The following SEMA6A variants were observed in gnomAD, a reference collection of about 807,000 sequenced individuals.
The protein encoded by SEMA6A is semaphorin-6A.
Under a neutral mutation model 96.8 loss-of-function variants are expected in SEMA6A, and 25 were observed. The ratio of observed to expected loss-of-function variants is 0.26; its 90% confidence interval spans 0.19 to 0.36. The LOEUF (loss-of-function observed/expected upper bound fraction) is 0.36, where lower values mean the gene tolerates loss of function less well. Among genes scored for constraint, SEMA6A ranks in the 10% least tolerant of loss-of-function variants. SEMA6A has a pLI of 1.00. For synonymous variants in SEMA6A, 612 were observed against 518.0 expected (o/e 1.18, Z -2.46); for missense variants, 1,363 against 1,323.1 (o/e 1.03, Z -0.47).
chr5:116,472,696 C>G (rs1756224621), intron 17 of SEMA6A: 2 of 501,014 alleles, frequency 4.0e-6, no homozygotes, highest in Admixed American at 7.7e-5. Context: ...ACTCAGTCTC[C>G]CACATCAATT....
chr5:116,472,582 C>T lies in SEMA6A; in HGVS notation c.1729+491G>A, dbSNP rs573762096. On this transcript the variant is annotated intron_variant, in intron 17 of 18. Coordinates refer to ENST00000343348, the MANE Select transcript of SEMA6A (RefSeq NM_020796.5). ...GCATTATTCCTTTGTCTTGGATATA[C>T]TTATGTTCAAAAGCAATTTCTTCTC... The T allele has an allele frequency of 1.3e-5, 4 of 302,960 alleles. No individual in the cohort carries two copies. The South Asian group carries it at 2.3e-4, about 17-fold the overall frequency. The allele number at this position is 302,960 out of a possible 1,614,324, so 18.8% of individuals were successfully genotyped here.
At chr5:116,485,094 G>GGTAT (rs1411054664) in intron 10 of SEMA6A, among the ~76,000 whole-genome samples, 1 of 152,098 alleles carries the variant, frequency 6.6e-6, no homozygotes, top group African/African-American at 2.4e-5. Flanking sequence ...GATGACAATG[G>GGTAT]GTATGTATAT....
In SEMA6A at chr5:116,453,953, A is replaced by AC. The variant is rs1754816701; in HGVS notation, c.1895-6143dup. ...TAAATACAAAGGAAGAGCTCTACTC[A>AC]CCCCCACCCCAATTACCACCCTAAG... On this transcript the variant is annotated intron_variant, in intron 18 of 18. Coordinates refer to ENST00000343348, the MANE Select transcript of SEMA6A (RefSeq NM_020796.5). Among the ~76,000 whole-genome samples, 4 of 152,104 alleles carry AC rather than the reference A, an allele frequency of 2.6e-5. No homozygotes were observed. In the South Asian group the frequency reaches 8.3e-4, roughly 32 times the overall value.
intron 1 of SEMA6A, among the ~76,000 whole-genome samples, chr5:116,564,621 T>C (rs1760953685): frequency 6.6e-6 from 1 of 152,106 alleles, no homozygotes; most frequent in African/African-American, 2.4e-5. Context: ...CTTACAGCAA[T>C]TTACTCCCCA....
At chr5:116,496,025 C>T (rs1030482142) in intron 5 of SEMA6A, 8 of 470,226 alleles carry the variant, frequency 1.7e-5, no homozygotes, top group Admixed American at 3.6e-5. Context: ...ATCCTGTGTG[C>T]GCCTAAGTAG....
intron 1 of SEMA6A, among the ~76,000 whole-genome samples, chr5:116,538,189 CAAAA>C (rs1759807329): frequency 7.3e-6 from 1 of 137,278 alleles, no homozygotes; most frequent in Admixed American, 7.4e-5. Context: ...CAAAGCAAAA[CAAAA>C]CAAAACAAAA....
rs559481141 is a variant in SEMA6A, at chr5:116,539,128, G to T, written c.-38-34146C>A. ...ACCACAACCCAATGTCCCCAAAATG[G>T]CAGTGCTAGAGTTCAAGCCTAGACA... is the stretch of plus-strand genomic sequence containing the variant. On this transcript the variant is annotated intron_variant, in intron 1 of 18. Transcript: ENST00000343348. 5.2e-4 allele frequency among the ~76,000 whole-genome samples: 79 copies of T among 152,128 alleles called. 2 individuals are homozygous for T. The South Asian group carries it at 0.014, about 26-fold the overall frequency.
intron 1 of SEMA6A, among the ~76,000 whole-genome samples, chr5:116,518,277 C>A (rs954925447): frequency 3.8e-4 from 58 of 152,084 alleles, no homozygotes; most frequent in African/African-American, 1.3e-3. Context: ...GGGCGTCAGA[C>A]AACAACGTAA....
Position 116,488,162 on chromosome 5 carries a change from A to T in SEMA6A, c.690T>A (p.Asp230Glu), listed in dbSNP as rs755457736. 2 of 1,612,164 alleles carry T rather than the reference A, an allele frequency of 1.2e-6. No individual in the cohort carries two copies. Among genetic ancestry groups the T allele is most frequent in the East Asian group, 4.5e-5 (2 of 44,778 alleles). ...PYFVQAVDYG[D>E]YIYFFFREIA... The stretch of plus-strand genomic sequence containing the variant: ...TTTCCCTGAAGAAGAAGTAGATATA[A>T]TCTCCGTAATCCACGGCTTGAACAA... The change falls in exon 9 of 19, where the codon GAT becomes GAA. Residue 230 changes from aspartate to glutamate, a missense_variant. Physicochemically the swap from Asp to Glu is conservative, Grantham distance 45. This residue lies in a region of SEMA6A where 480 missense variants were observed against 559.5 expected (regional missense o/e 0.86). Coordinates refer to ENST00000343348, the MANE Select transcript of SEMA6A (RefSeq NM_020796.5).
chr5:116,571,345 C>G (rs543740738), intron 1 of SEMA6A, among the ~76,000 whole-genome samples: 1 of 152,014 alleles, frequency 6.6e-6, no homozygotes, highest in African/African-American at 2.4e-5. Flanking sequence ...GGATTATATG[C>G]GTTATTGAAA....
At chr5:116,455,089 A>T (rs1017258376) in intron 18 of SEMA6A, among the ~76,000 whole-genome samples, 1 of 152,210 alleles carries the variant, frequency 6.6e-6, no homozygotes, top group Non-Finnish European at 1.5e-5. Context: ...ATGTCATCAC[A>T]GGGATAGAAG....
intron 17 of SEMA6A, chr5:116,471,063 T>C (rs1756106423): frequency 6.6e-6 from 1 of 152,198 alleles, no homozygotes; most frequent in Admixed American, 6.5e-5. Flanking sequence ...CCAATATTTT[T>C]GTAAGTACTG....
At chr5:116,498,786 C>G (rs1757735757) in intron 3 of SEMA6A, 1 of 152,134 alleles carries the variant, frequency 6.6e-6, no homozygotes, top group African/African-American at 2.4e-5. Context: ...ATGGAATTGC[C>G]TATTACTTTG....
chr5:116,465,738 C>T (rs896129751), intron 18 of SEMA6A, among the ~76,000 whole-genome samples: 43 of 152,146 alleles, frequency 2.8e-4, no homozygotes, highest in African/African-American at 9.9e-4. Flanking sequence ...CTACCCCTCT[C>T]AGTGAAATGA....
At chr5:116,497,154 T>C (rs1270119288) in intron 4 of SEMA6A, among the ~76,000 whole-genome samples, 173 bp downstream of exon 4, 1 of 152,248 alleles carries the variant, frequency 6.6e-6, no homozygotes, top group East Asian at 1.9e-4. Flanking sequence ...CATAACTGTT[T>C]CTGAACATGT....
chr5:116,568,072 T>C (rs908618720), intron 1 of SEMA6A, among the ~76,000 whole-genome samples: 1 of 152,230 alleles, frequency 6.6e-6, no homozygotes, highest in Non-Finnish European at 1.5e-5. Context: ...TTGCATAATG[T>C]GATTTACATT....
intron 17 of SEMA6A, chr5:116,472,704 A>G (rs556417136): frequency 6.0e-5 from 31 of 515,706 alleles, no homozygotes; most frequent in East Asian, 2.6e-4. Context: ...TCCCACATCA[A>G]TTGTCTCACA....
intron 6 of SEMA6A, 83 bp downstream of exon 6, chr5:116,495,330 C>T: frequency 1.0e-6 from 1 of 971,820 alleles, no homozygotes; most frequent in Non-Finnish European, 1.6e-6. Flanking sequence ...TGAATTACCC[C>T]TCTTAGGTTG....
intron 6 of SEMA6A, 100 bp from the exon 7 acceptor site, chr5:116,491,930 G>T: frequency 1.1e-6 from 1 of 940,664 alleles, no homozygotes; most frequent in Non-Finnish European, 1.7e-6. Flanking sequence ...TTTGTAATCT[G>T]TAATCACTTT....
Sources: gnomAD v4.1 joint callset for allele counts (sites outside exome capture counted in the v4.1 genomes callset) on GRCh38, gnomAD v4.1.1 for gene constraint, gnomAD v4.1.1 regional missense constraint, MANE v1.5 for transcripts, NCBI Gene and HGNC (gene_info 2026-07-23, HGNC 2026-07-21) for gene names.